The following POFUT3 variants were observed in gnomAD, a reference collection of about 807,000 sequenced individuals.
POFUT3 encodes protein O-fucosyltransferase 3.
the POFUT3 span, among the ~76,000 whole-genome samples, chr8:33,374,854 ATTTTCTTTT>A: frequency 4.7e-5 from 7 of 148,944 alleles, no homozygotes; most frequent in African/African-American, 1.8e-4. Context: ...GAATGAAGAC[ATTTTCTTTT>A]TTTTCTTTTC....
chr8:33,408,002 A>G, the POFUT3 span, among the ~76,000 whole-genome samples: 8 of 150,772 alleles, frequency 5.3e-5, no homozygotes, highest in Admixed American at 1.3e-4. Flanking sequence ...AAAAAAAAAA[A>G]AAAGAAAAGA....
At chr8:33,346,252 T>A in the POFUT3 span, among the ~76,000 whole-genome samples, 1 of 152,056 alleles carries the variant, frequency 6.6e-6, no homozygotes, top group South Asian at 2.1e-4. Context: ...CTGCTTTGCA[T>A]AAACTTCTAG....
chr8:33,392,174 A>C, the POFUT3 span, among the ~76,000 whole-genome samples: 179 of 152,308 alleles, frequency 1.2e-3, no homozygotes, highest in African/African-American at 4.0e-3. Context: ...ATACATCCAC[A>C]CAAAACACAA....
chr8:33,322,486 T>C, the POFUT3 span, among the ~76,000 whole-genome samples: 527 of 152,228 alleles, frequency 3.5e-3, 3 homozygotes, highest in African/African-American at 0.012. Flanking sequence ...GATTGATGAC[T>C]CTGATAAGAG....
chr8:33,401,884 C>T, the POFUT3 span, among the ~76,000 whole-genome samples: 2 of 152,100 alleles, frequency 1.3e-5, no homozygotes, highest in East Asian at 1.9e-4. Flanking sequence ...AAAAATAAGC[C>T]GGGTGTGGTG....
chr8:33,365,522 C>A, the POFUT3 span, among the ~76,000 whole-genome samples: 1 of 152,020 alleles, frequency 6.6e-6, no homozygotes, highest in African/African-American at 2.4e-5. Flanking sequence ...TGACAAAGGG[C>A]GAATATCCAG....
At chr8:33,369,483 A>G in the POFUT3 span, among the ~76,000 whole-genome samples, 4 of 152,246 alleles carry the variant, frequency 2.6e-5, no homozygotes, top group Admixed American at 2.6e-4. Context: ...TCCATAATTT[A>G]TATTTTGCTC....
At chr8:33,435,764 C>T in the POFUT3 span, among the ~76,000 whole-genome samples, 1 of 152,138 alleles carries the variant, frequency 6.6e-6, no homozygotes, top group Non-Finnish European at 1.5e-5. Context: ...GATCTACCCA[C>T]CTCGGCCTCC....
the POFUT3 span, among the ~76,000 whole-genome samples, chr8:33,348,322 G>A: frequency 6.6e-6 from 1 of 152,156 alleles, no homozygotes; most frequent in African/African-American, 2.4e-5. Context: ...TGTGGCAGAA[G>A]AGTCACTCCC....
At chr8:33,453,269 GT>G in the POFUT3 span, 1 of 1,614,186 alleles carries the variant, frequency 6.2e-7, no homozygotes, top group Non-Finnish European at 8.5e-7. Context: ...CCGGTTGATG[GT>G]GAAGAAACAA....
chr8:33,422,047 CAAAAAA>C, the POFUT3 span, among the ~76,000 whole-genome samples: 1 of 145,908 alleles, frequency 6.9e-6, no homozygotes, highest in African/African-American at 2.6e-5. Context: ...AAAACAAAAA[CAAAAAA>C]AAACCCTGCT....
At chr8:33,324,245 C>G in the POFUT3 span, among the ~76,000 whole-genome samples, 1 of 152,164 alleles carries the variant, frequency 6.6e-6, no homozygotes, top group Non-Finnish European at 1.5e-5. Flanking sequence ...GCAAGGGAGG[C>G]TGGAAATGTC....
At chr8:33,465,819 GCTCACTCAA>G in the POFUT3 span, among the ~76,000 whole-genome samples, 1 of 152,108 alleles carries the variant, frequency 6.6e-6, no homozygotes, top group East Asian at 1.9e-4. Context: ...CTAGATATCA[GCTCACTCAA>G]CTCAAAGATG....
At chr8:33,398,190 C>G in the POFUT3 span, among the ~76,000 whole-genome samples, 1 of 152,150 alleles carries the variant, frequency 6.6e-6, no homozygotes, top group Non-Finnish European at 1.5e-5. Context: ...AATTAAGACA[C>G]AATTACCCAA....
the POFUT3 span, among the ~76,000 whole-genome samples, chr8:33,327,460 T>G: frequency 6.6e-6 from 1 of 152,108 alleles, no homozygotes; most frequent in South Asian, 2.1e-4. Context: ...GAGCATTTTG[T>G]GGGTATTCAA....
the POFUT3 span, among the ~76,000 whole-genome samples, chr8:33,425,292 C>T: frequency 6.6e-6 from 1 of 151,862 alleles, no homozygotes; most frequent in South Asian, 2.1e-4. Flanking sequence ...TACAATCATA[C>T]CACTGCACTC....
At chr8:33,326,457 GCTCAT>G in the POFUT3 span, among the ~76,000 whole-genome samples, 1 of 152,060 alleles carries the variant, frequency 6.6e-6, no homozygotes, top group Admixed American at 6.6e-5. Flanking sequence ...ATTACATATA[GCTCAT>G]TTAATTGAAC....
chr8:33,419,887 G>C, the POFUT3 span, among the ~76,000 whole-genome samples: 12 of 152,058 alleles, frequency 7.9e-5, 1 homozygote, highest in Admixed American at 6.6e-5. Flanking sequence ...CAGCACTTTG[G>C]GAGGCCAAGG....
chr8:33,348,952 C>A, the POFUT3 span, among the ~76,000 whole-genome samples: 15 of 152,194 alleles, frequency 9.9e-5, no homozygotes, highest in East Asian at 5.8e-4. Flanking sequence ...GAGAAAAAAA[C>A]CTAAAATAAG....
Sources: allele counts gnomAD v4.1 joint callset (sites outside exome capture counted in the v4.1 genomes callset), GRCh38; gene constraint gnomAD v4.1.1; transcripts MANE v1.5; gene names NCBI Gene and HGNC (gene_info 2026-07-23, HGNC 2026-07-21).